The following CIMAP1D variants were observed in gnomAD, a reference collection of about 807,000 sequenced individuals.
CIMAP1D encodes the protein protein CIMAP1D.
At chr19:472,388 C>A in the CIMAP1D span, 1 of 1,522,458 alleles carries the variant, frequency 6.6e-7, no homozygotes, top group Non-Finnish European at 8.8e-7. Context: ...CACTCGCCCG[C>A]CTTACCCTCA....
the CIMAP1D span, among the ~76,000 whole-genome samples, chr19:479,041 G>T: frequency 6.6e-6 from 1 of 152,234 alleles, no homozygotes; most frequent in African/African-American, 2.4e-5. Context: ...GTGGGCGAAG[G>T]GGGTGTTGGA....
the CIMAP1D span, among the ~76,000 whole-genome samples, chr19:483,415 C>T: frequency 2.6e-5 from 4 of 152,196 alleles, no homozygotes; most frequent in Non-Finnish European, 4.4e-5. Context: ...GGCTCCTCCC[C>T]GACAGACCTC....
the CIMAP1D span, among the ~76,000 whole-genome samples, chr19:491,458 G>A: frequency 6.6e-6 from 1 of 152,132 alleles, no homozygotes; most frequent in African/African-American, 2.4e-5. Flanking sequence ...AGAGGCCTGT[G>A]CGGCTCCTGG....
the CIMAP1D span, among the ~76,000 whole-genome samples, chr19:479,085 A>G: frequency 6.6e-6 from 1 of 152,204 alleles, no homozygotes; most frequent in Non-Finnish European, 1.5e-5. Flanking sequence ...TCAACTCAGT[A>G]TACCACTGGG....
At chr19:476,768 T>G in the CIMAP1D span, among the ~76,000 whole-genome samples, 1 of 152,190 alleles carries the variant, frequency 6.6e-6, no homozygotes, top group Non-Finnish European at 1.5e-5. Flanking sequence ...AACATACTTC[T>G]GAATAACCCA....
At chr19:464,582 T>G in the CIMAP1D span, among the ~76,000 whole-genome samples, 1 of 152,156 alleles carries the variant, frequency 6.6e-6, no homozygotes, top group Non-Finnish European at 1.5e-5. Flanking sequence ...GCCTTCATTT[T>G]CCACCCCTCC....
chr19:463,951 C>A, the CIMAP1D span: 6 of 1,611,402 alleles, frequency 3.7e-6, no homozygotes, highest in African/African-American at 5.3e-5. Context: ...AACGCTGGAG[C>A]CCTGGCTTTG....
the CIMAP1D span, among the ~76,000 whole-genome samples, chr19:481,009 G>A: frequency 9.7e-5 from 14 of 143,666 alleles, no homozygotes; most frequent in South Asian, 2.3e-4. Context: ...AAACGATGAC[G>A]GAGAATGATG....
chr19:486,392 C>G, the CIMAP1D span, among the ~76,000 whole-genome samples: 5 of 152,136 alleles, frequency 3.3e-5, no homozygotes, highest in Non-Finnish European at 7.3e-5. Flanking sequence ...GCTCAAATCT[C>G]TCCACCTCCA....
At chr19:481,415 A>G in the CIMAP1D span, among the ~76,000 whole-genome samples, 1 of 106,008 alleles carries the variant, frequency 9.4e-6, no homozygotes, top group Non-Finnish European at 2.0e-5. Flanking sequence ...GATGATGGGA[A>G]GGATGATGGA....
the CIMAP1D span, chr19:467,714 T>C: frequency 1.9e-6 from 3 of 1,611,498 alleles, no homozygotes; most frequent in South Asian, 3.3e-5. Context: ...GCGTGTGACT[T>C]TGGGGTCCAA....
the CIMAP1D span, among the ~76,000 whole-genome samples, chr19:485,193 C>T: frequency 2.6e-5 from 4 of 152,284 alleles, no homozygotes; most frequent in Admixed American, 6.5e-5. Flanking sequence ...TGCTCTACCA[C>T]GTAACACACG....
At chr19:485,926 G>C in the CIMAP1D span, among the ~76,000 whole-genome samples, 1 of 151,720 alleles carries the variant, frequency 6.6e-6, no homozygotes. Context: ...TCCTTTGTCC[G>C]GCGGCCAGCC....
the CIMAP1D span, among the ~76,000 whole-genome samples, chr19:469,148 G>A: frequency 6.6e-6 from 1 of 152,134 alleles, no homozygotes; most frequent in Non-Finnish European, 1.5e-5. Flanking sequence ...CAGGAGGGAG[G>A]GGGTCTATTT....
the CIMAP1D span, chr19:490,011 G>C: frequency 4.0e-5 from 16 of 398,476 alleles, no homozygotes; most frequent in Non-Finnish European, 5.3e-5. Context: ...CGGCGGCCAC[G>C]ATAGAAAGAA....
At chr19:480,656 G>C in the CIMAP1D span, among the ~76,000 whole-genome samples, 1 of 134,172 alleles carries the variant, frequency 7.5e-6, no homozygotes, top group African/African-American at 3.1e-5. Context: ...GGATGATGGA[G>C]AAGGATGATG....
the CIMAP1D span, chr19:467,873 CA>C: frequency 1.5e-6 from 1 of 663,906 alleles, no homozygotes; most frequent in South Asian, 1.9e-5. Context: ...GGTCAGAGGC[CA>C]CCCCAGTCCC....
the CIMAP1D span, chr19:474,741 TC>T: frequency 2.9e-5 from 44 of 1,531,836 alleles, no homozygotes; most frequent in Non-Finnish European, 3.9e-5. Flanking sequence ...CAGCTGAGGG[TC>T]CCCATGGTGG....
At chr19:475,986 A>AT in the CIMAP1D span, among the ~76,000 whole-genome samples, 463 of 39,264 alleles carry the variant, frequency 0.012, 132 homozygotes, top group Non-Finnish European at 0.014. Context: ...CGCCTGGCTA[A>AT]TTTTTTTTTT....
Sources: gnomAD v4.1 joint callset for allele counts (sites outside exome capture counted in the v4.1 genomes callset) on GRCh38, gnomAD v4.1.1 for gene constraint, MANE v1.5 for transcripts, NCBI Gene and HGNC (gene_info 2026-07-23, HGNC 2026-07-21) for gene names.